LMAN2L: variants seen among roughly 807,000 people sequenced by gnomAD.
The protein encoded by LMAN2L is VIP36-like protein.
LMAN2L carries 30 observed loss-of-function variants against 44.3 expected under a neutral mutation model. The observed-to-expected ratio is 0.68, with a 90% CI of 0.51 to 0.92. The LOEUF (loss-of-function observed/expected upper bound fraction) is 0.92. Ranked by LOEUF, LMAN2L falls within the 40% of genes least tolerant of loss-of-function variation. LMAN2L has a pLI of 0.00. For missense variants in LMAN2L, 429 were observed against 446.1 expected, an observed-to-expected ratio of 0.96 and a Z score of 0.35; for synonymous variants, 183 against 171.1, an observed-to-expected ratio of 1.07 and a Z score of -0.54.
intron 2 of LMAN2L, 98 bp from the exon 3 acceptor site, chr2:96,734,624 G>A: frequency 1.3e-6 from 1 of 772,868 alleles, no homozygotes. Context: ...CACAAATGCA[G>A]GTAACACTAG....
chr2:96,729,148 G>C (rs947005160), intron 4 of LMAN2L, among the ~76,000 whole-genome samples: 4 of 151,780 alleles, frequency 2.6e-5, no homozygotes, highest in Admixed American at 6.6e-5. Flanking sequence ...CTCCAGCCTG[G>C]GCGACAGAGC....
intron 4 of LMAN2L, among the ~76,000 whole-genome samples, chr2:96,732,685 C>A (rs937811198): frequency 6.6e-6 from 1 of 150,522 alleles, no homozygotes; most frequent in African/African-American, 2.4e-5. Flanking sequence ...CACTAAAAAA[C>A]TCTTAGGTCA....
intron 4 of LMAN2L, among the ~76,000 whole-genome samples, chr2:96,725,557 C>T (rs919280259): frequency 6.6e-6 from 1 of 151,824 alleles, no homozygotes; most frequent in African/African-American, 2.4e-5. Flanking sequence ...ATTCTCCTGC[C>T]TCAGCCTCCC....
At chr2:96,713,078 A>G (rs2077963539) in intron 4 of LMAN2L, 9 of 1,544,016 alleles carry the variant, frequency 5.8e-6, no homozygotes, top group Non-Finnish European at 7.9e-6. Context: ...GGAATGAGGG[A>G]TGCTCATGAT....
rs2077922400 is a variant in LMAN2L at position 96,711,716 on chromosome 2, CG to C, written c.723del (p.Gly242GlufsTer28). On this transcript the variant is annotated frameshift_variant, in exon 6 of 8. Coordinates refer to ENST00000264963, the MANE Select transcript of LMAN2L (RefSeq NM_030805.4). LOFTEE classifies it high-confidence loss of function. ...KHEWRDCIEV[P>X]GVRLPRGYYF... ...TAGTAGCCGCGGGGCAGGCGGACTC[CG>C]GGCACTTCAATGCAGTCCCTCCACT... 41 of 1,614,006 alleles carry C rather than the reference CG, an allele frequency of 2.5e-5. No homozygotes were observed. The highest frequency in any genetic ancestry group is 3.5e-5 in the Non-Finnish European group (41 of 1,179,994).
intron 4 of LMAN2L, chr2:96,713,118 G>T (rs1558949384): frequency 6.4e-7 from 1 of 1,551,418 alleles, no homozygotes; most frequent in East Asian, 2.4e-5. Context: ...TGGACTCCTG[G>T]AGAATATCGC....
intron 4 of LMAN2L, among the ~76,000 whole-genome samples, chr2:96,726,242 T>G (rs2078268903): frequency 6.6e-6 from 1 of 151,794 alleles, no homozygotes; most frequent in South Asian, 2.1e-4. Flanking sequence ...CTTGCTAAAT[T>G]CATTTAGTAG....
chr2:96,706,987 C>T lies in LMAN2L; in HGVS notation c.*269G>A, dbSNP rs1480780448. The T allele has an allele frequency of 1.4e-5, 4 of 280,898 alleles. No individual in the cohort carries two copies. Among genetic ancestry groups the T allele is most frequent in the African/African-American group, 6.5e-5 (3 of 45,914 alleles). 17.4% of individuals were successfully genotyped at this position (280,898 alleles called of 1,614,324 possible). On this transcript the variant is annotated 3_prime_UTR_variant, in exon 8 of 8. Transcript: ENST00000264963. Reference sequence around the variant, plus strand: ...ATCACAACCACGTAAATTCTCTTCACACCTCTGCTCCCACATGGAAGGACT... The same window carrying T: ...ATCACAACCACGTAAATTCTCTTCATACCTCTGCTCCCACATGGAAGGACT...
intron 4 of LMAN2L, among the ~76,000 whole-genome samples, chr2:96,726,588 GC>G (rs543713009): frequency 1.6e-3 from 242 of 152,008 alleles, no homozygotes; most frequent in Non-Finnish European, 2.6e-3. Flanking sequence ...TTTGAGACCA[GC>G]CTGGCAAACA....
At chr2:96,729,559 A>G (rs1254248093) in intron 4 of LMAN2L, among the ~76,000 whole-genome samples, 3 of 149,976 alleles carry the variant, frequency 2.0e-5, no homozygotes, top group Non-Finnish European at 3.0e-5. Flanking sequence ...CCCAGGCTGG[A>G]GTGCAAGGGC....
chr2:96,707,836 G>A lies in LMAN2L; in HGVS notation c.785-3C>T. 6.2e-7 allele frequency: 1 copy of A among 1,612,474 alleles called. No individual in the cohort carries two copies. Among genetic ancestry groups the A allele is most frequent in the Non-Finnish European group, 8.5e-7 (1 of 1,179,358 alleles). On this transcript the variant is annotated splice_region_variant and splice_polypyrimidine_tract_variant and intron_variant, in intron 6 of 7. Coordinates refer to ENST00000264963, the MANE Select transcript of LMAN2L (RefSeq NM_030805.4). ...CAAGGAAATGACATCATGATTATCTGAAGAAAAATGGAAGAAGGATGACTT... is the reference window on the plus strand; with the variant it reads ...CAAGGAAATGACATCATGATTATCTAAAGAAAAATGGAAGAAGGATGACTT...
intron 4 of LMAN2L, among the ~76,000 whole-genome samples, chr2:96,717,896 G>A (rs150207464): frequency 2.6e-4 from 39 of 151,414 alleles, no homozygotes; most frequent in Admixed American, 2.2e-3. Flanking sequence ...TAACATTTTC[G>A]GAAATCTGGG....
At chr2:96,713,540 C>G (rs546108929) in intron 4 of LMAN2L, among the ~76,000 whole-genome samples, 1 of 152,222 alleles carries the variant, frequency 6.6e-6, no homozygotes, top group Admixed American at 6.5e-5. Context: ...TTGTCTGTAC[C>G]CAGCCTACTG....
intron 4 of LMAN2L, among the ~76,000 whole-genome samples, chr2:96,726,149 A>G (rs2078265985): frequency 1.3e-5 from 2 of 151,474 alleles, no homozygotes; most frequent in Non-Finnish European, 2.9e-5. Flanking sequence ...AAAAAAAAAA[A>G]GAAATAAACC....
At chr2:96,730,741 C>T (rs1472576782) in intron 4 of LMAN2L, among the ~76,000 whole-genome samples, 2 of 152,116 alleles carry the variant, frequency 1.3e-5, no homozygotes, top group Admixed American at 6.5e-5. Flanking sequence ...GGCGTGATCT[C>T]AGCTCACACT....
rs1336230730 is a variant in LMAN2L, at chr2:96,733,541, GGGTA to G, written c.481_484del (p.Tyr161ProfsTer18). On this transcript the variant is annotated frameshift_variant, in exon 4 of 8. Coordinates refer to ENST00000264963, the MANE Select transcript of LMAN2L (RefSeq NM_030805.4). LOFTEE classifies it high-confidence loss of function. ...TACCTCTTGCTGCTTCTCCTCATTGGGGTAGGTGTCTACAAATACTCCCAGCCCC... is the reference window on the plus strand; with the variant it reads ...TACCTCTTGCTGCTTCTCCTCATTGGGGTGTCTACAAATACTCCCAGCCCC... 2.5e-6 allele frequency: 4 copies of G among 1,613,812 alleles called. No individual in the cohort carries two copies. The highest frequency in any genetic ancestry group is 3.4e-6 in the Non-Finnish European group (4 of 1,179,842).
At position 96,717,835 on chromosome 2, in the gene LMAN2L, G is replaced by A. The variant is rs1317162920; in HGVS notation, c.508-5810C>T. On this transcript the variant is annotated intron_variant, in intron 4 of 7. Transcript: ENST00000264963. ...GTCTGGGCAACAAGAGCAAAACTCT[G>A]TCTCTAAAAAAAAAAAAAAAAATAG... Among the ~76,000 whole-genome samples, 4 of 143,050 alleles carry A rather than the reference G, an allele frequency of 2.8e-5. No individual in the cohort carries two copies. In the Admixed American group the frequency reaches 2.8e-4, roughly 10 times the overall value. 93.8% of individuals were successfully genotyped at this position (143,050 alleles called of 152,430 possible).
At chr2:96,710,974 AAAAG>A (rs1281421526) in intron 6 of LMAN2L, among the ~76,000 whole-genome samples, 1 of 152,240 alleles carries the variant, frequency 6.6e-6, no homozygotes. Context: ...CATAAGTAGA[AAAAG>A]AAACAAGAGG....
intron 6 of LMAN2L, among the ~76,000 whole-genome samples, chr2:96,709,573 T>C (rs1427193248): frequency 1.3e-5 from 2 of 152,208 alleles, no homozygotes; most frequent in African/African-American, 4.8e-5. Context: ...TCCCAGGTAG[T>C]GAAAAACTGG....
Sources: gnomAD v4.1 joint callset for allele counts (sites outside exome capture counted in the v4.1 genomes callset) on GRCh38, gnomAD v4.1.1 for gene constraint, MANE v1.5 for transcripts, NCBI Gene and HGNC (gene_info 2026-07-23, HGNC 2026-07-21) for gene names.